The following PCDHA1 variants were observed in gnomAD, a reference collection of about 807,000 sequenced individuals.
PCDHA1 encodes protocadherin alpha-1.
A neutral mutation model predicts 61.3 loss-of-function variants in PCDHA1; 42 were observed. That is an observed-to-expected ratio of 0.69 (90% CI 0.54 to 0.89). PCDHA1 has a LOEUF of 0.89. Ranked by LOEUF, PCDHA1 falls within the 40% of genes least tolerant of loss-of-function variation. PCDHA1 has a pLI of 0.00. For missense variants in PCDHA1, 1,256 were observed against 1,235.3 expected, an observed-to-expected ratio of 1.02 and a Z score of -0.25; for synonymous variants, 610 against 553.8, an observed-to-expected ratio of 1.10 and a Z score of -1.43.
At chr5:140,967,099 T>G in intron 1 of PCDHA1, 1 of 1,613,074 alleles carries the variant, frequency 6.2e-7, no homozygotes, top group Non-Finnish European at 8.5e-7. Context: ...AGGCGCTGTG[T>G]GAGCAGCGGC....
intron 1 of PCDHA1, among the ~76,000 whole-genome samples, chr5:140,920,380 T>C (rs1386655132): frequency 2.0e-5 from 3 of 152,246 alleles, no homozygotes; most frequent in Non-Finnish European, 4.4e-5. Flanking sequence ...TGTGGATTCA[T>C]ATTACCATCT....
At chr5:140,925,383 T>C (rs1554202722) in intron 1 of PCDHA1, among the ~76,000 whole-genome samples, 2 of 152,140 alleles carry the variant, frequency 1.3e-5, no homozygotes, top group African/African-American at 2.4e-5. Flanking sequence ...TCAATGAGTC[T>C]CCTTTTGGCT....
At chr5:140,884,428 G>C in intron 1 of PCDHA1, 1 of 1,613,962 alleles carries the variant, frequency 6.2e-7, no homozygotes, top group Non-Finnish European at 8.5e-7. Context: ...TGTATACTGC[G>C]CTGCGGTGCT....
intron 1 of PCDHA1, chr5:140,876,731 C>T (rs782483829): frequency 1.7e-5 from 27 of 1,614,124 alleles, no homozygotes; most frequent in Non-Finnish European, 1.9e-5. Context: ...AGCGTGTCGG[C>T]CTATGAGCTG....
At position 140,904,654 on chromosome 5, in the gene PCDHA1, G is replaced by C. The variant is rs554492367; in HGVS notation, c.2395-74295G>C. On this transcript the variant is annotated intron_variant, in intron 1 of 3. Coordinates refer to ENST00000504120, the MANE Select transcript of PCDHA1 (RefSeq NM_018900.4). ...AGGAATCTCCACACTGTTTTCCATAGTGGTTGTACTAGTTTACATTCCCAC... is the reference window on the plus strand; with the variant it reads ...AGGAATCTCCACACTGTTTTCCATACTGGTTGTACTAGTTTACATTCCCAC... Among the ~76,000 whole-genome samples, 175 of 152,122 alleles carry C rather than the reference G, an allele frequency of 1.2e-3. 1 individual carries two copies. The highest frequency in any genetic ancestry group is 3.4e-3 in the Middle Eastern group (1 of 294).
At chr5:140,958,290 T>C (rs1554223401) in intron 1 of PCDHA1, among the ~76,000 whole-genome samples, 1 of 152,154 alleles carries the variant, frequency 6.6e-6, no homozygotes, top group Non-Finnish European at 1.5e-5. Context: ...TTAAATATTA[T>C]TGAACTTAAT....
At chr5:140,832,383 C>T (rs1771959365) in intron 1 of PCDHA1, among the ~76,000 whole-genome samples, 1 of 152,184 alleles carries the variant, frequency 6.6e-6, no homozygotes, top group Non-Finnish European at 1.5e-5. Context: ...CTTGAAATGG[C>T]AGAAACTGGT....
At chr5:140,830,527 A>C in intron 1 of PCDHA1, 1 of 1,307,954 alleles carries the variant, frequency 7.6e-7, no homozygotes, top group Non-Finnish European at 1.0e-6. Context: ...TTTATTTTAA[A>C]TTTATAATTG....
intron 1 of PCDHA1, among the ~76,000 whole-genome samples, chr5:140,792,216 T>A (rs1228887578): frequency 6.6e-6 from 1 of 152,172 alleles, no homozygotes. Context: ...AGTTCCTGCC[T>A]CTGTCTTCAC....
At chr5:140,931,782 C>T (rs967402790) in intron 1 of PCDHA1, among the ~76,000 whole-genome samples, 9 of 151,848 alleles carry the variant, frequency 5.9e-5, no homozygotes, top group Non-Finnish European at 5.9e-5. Flanking sequence ...GTTCAATTAC[C>T]TATTGATCTG....
chr5:140,795,599 T>C (rs782557173), intron 1 of PCDHA1: 1 of 1,614,178 alleles, frequency 6.2e-7, no homozygotes, highest in South Asian at 1.1e-5. Flanking sequence ...AATTTGTTAC[T>C]GGTGGCTACT....
intron 1 of PCDHA1, chr5:140,856,080 A>G: frequency 6.3e-7 from 1 of 1,594,626 alleles, no homozygotes; most frequent in African/African-American, 1.3e-5. Context: ...CTGGGGGTCC[A>G]GTGTCTGCTG....
chr5:140,849,689 G>A, intron 1 of PCDHA1: 1 of 1,598,668 alleles, frequency 6.3e-7, no homozygotes, highest in South Asian at 1.1e-5. Context: ...TCAAGCTGGT[G>A]TCCACCTACA....
chr5:140,863,449 A>G (rs1166397854), intron 1 of PCDHA1: 4 of 570,946 alleles, frequency 7.0e-6, no homozygotes, highest in Admixed American at 4.2e-5. Flanking sequence ...TACTCGCAGC[A>G]AAGGAGATTT....
intron 1 of PCDHA1, among the ~76,000 whole-genome samples, chr5:140,970,553 C>T (rs1349644785): frequency 5.9e-5 from 9 of 152,122 alleles, no homozygotes; most frequent in South Asian, 2.1e-4. Flanking sequence ...GTTGTGTGTT[C>T]GTCTCCATAT....
intron 1 of PCDHA1, chr5:140,848,530 A>G (rs2150412055): frequency 6.3e-7 from 1 of 1,594,630 alleles, no homozygotes; most frequent in Non-Finnish European, 8.6e-7. Context: ...CCAGAGGGTC[A>G]GCCTCTACTG....
intron 1 of PCDHA1, among the ~76,000 whole-genome samples, chr5:140,909,441 C>A (rs971678951): frequency 2.6e-5 from 4 of 152,214 alleles, no homozygotes; most frequent in African/African-American, 9.7e-5. Flanking sequence ...AATCCACTGT[C>A]ATTCTCCAAG....
At chr5:140,823,926 C>T (rs2150130404) in intron 1 of PCDHA1, 84 of 1,613,920 alleles carry the variant, frequency 5.2e-5, no homozygotes, top group Non-Finnish European at 6.2e-5. Flanking sequence ...TGCTGCTGTA[C>T]ACCGCGCTGC....
intron 1 of PCDHA1, chr5:140,875,972 T>G: frequency 6.2e-7 from 1 of 1,614,068 alleles, no homozygotes; most frequent in Non-Finnish European, 8.5e-7. Context: ...GTAAACTCTC[T>G]TTTGACCTAT....
Sources: gnomAD v4.1 joint callset for allele counts (sites outside exome capture counted in the v4.1 genomes callset) on GRCh38, gnomAD v4.1.1 for gene constraint, MANE v1.5 for transcripts, NCBI Gene and HGNC (gene_info 2026-07-23, HGNC 2026-07-21) for gene names.